Variants in SETD1A observed in about 807,000 individuals in gnomAD.
SETD1A encodes histone-lysine N-methyltransferase SETD1A.
Under a neutral mutation model 149.9 loss-of-function variants are expected in SETD1A, and 29 were observed. The observed-to-expected ratio is 0.19, with a 90% CI of 0.14 to 0.26. SETD1A has a LOEUF of 0.26. Ranked by LOEUF, SETD1A falls within the 10% of genes least tolerant of loss-of-function variation. The pLI is 1.00. For missense variants in SETD1A, 2,109 were observed against 2,353.1 expected, an observed-to-expected ratio of 0.90 and a Z score of 2.15; for synonymous variants, 1,141 against 968.5, an observed-to-expected ratio of 1.18 and a Z score of -3.31.
chr16:30,980,350 G>A lies in SETD1A; in HGVS notation c.4409-135G>A. On this transcript the variant is annotated intron_variant, in intron 14 of 18. Transcript: ENST00000262519. The surrounding 1 kb of genome is among the most constrained non-coding windows in gnomAD (Gnocchi z 7.7). The stretch of plus-strand genomic sequence containing the variant: ...CTTTTCTGCCTTCCAAAGCATTTCT[G>A]GCAGGAACGATGGGGCTGGGGCTTC... The A allele has an allele frequency of 6.9e-7, 1 of 1,449,762 alleles. No individual in the cohort carries two copies. The highest frequency in any genetic ancestry group is 1.4e-5 in the South Asian group (1 of 73,108). 89.8% of individuals were successfully genotyped at this position (1,449,762 alleles called of 1,614,324 possible). A position where few individuals can be genotyped will look rare whatever the true frequency, so the allele number is the denominator to read the frequency against.
chr16:30,963,282 C>T, intron 4 of SETD1A, 151 bp from the exon 5 acceptor site: 1 of 621,400 alleles, frequency 1.6e-6, no homozygotes, highest in Non-Finnish European at 2.7e-6. Context: ...TAGAAGGTCC[C>T]AAAGGTAGAG....
intron 13 of SETD1A, among the ~76,000 whole-genome samples, chr16:30,977,850 C>T (rs1433399282): frequency 6.6e-6 from 1 of 152,210 alleles, no homozygotes; most frequent in East Asian, 1.9e-4. Context: ...AGCGGGGAAG[C>T]CAGTTGTGAA....
intron 8 of SETD1A, 34 bp downstream of exon 8, chr16:30,966,420 G>A (rs945230177): frequency 1.3e-6 from 2 of 1,562,642 alleles, no homozygotes; most frequent in African/African-American, 2.7e-5. Flanking sequence ...GGAGCCCTGG[G>A]CTTTGCAGGA....
At position 30,984,443 on chromosome 16, in the gene SETD1A, G is replaced by GGGCTCTGCACCCCCAGTCCTGGGGA. The variant is rs1487287484; in HGVS notation, c.*421_*445dup. 2 of 170,002 alleles carry GGGCTCTGCACCCCCAGTCCTGGGGA rather than the reference G, an allele frequency of 1.2e-5. No homozygotes were observed. Among genetic ancestry groups the GGGCTCTGCACCCCCAGTCCTGGGGA allele is most frequent in the Non-Finnish European group, 2.6e-5 (2 of 78,068 alleles). The allele number at this position is 170,002 out of a possible 1,614,324, so 10.5% of individuals were successfully genotyped here. ...CAGTGGCCATGTTCTCCCCCTGGGGGGGCTCTGCACCCCCAGTCCTGGGGA... is the reference window on the plus strand; with the variant it reads ...CAGTGGCCATGTTCTCCCCCTGGGGGGGCTCTGCACCCCCAGTCCTGGGGAGGCTCTGCACCCCCAGTCCTGGGGA... On this transcript the variant is annotated 3_prime_UTR_variant, in exon 19 of 19. Transcript: ENST00000262519.
intron 13 of SETD1A, among the ~76,000 whole-genome samples, chr16:30,975,128 CAG>C (rs2056269164): frequency 6.7e-6 from 1 of 150,144 alleles, no homozygotes; most frequent in Admixed American, 6.7e-5. Context: ...AGCCTGGTGA[CAG>C]AGCGAGACTG....
chr16:30,977,570 G>A (rs897079736), intron 13 of SETD1A, among the ~76,000 whole-genome samples: 1 of 152,204 alleles, frequency 6.6e-6, no homozygotes, highest in Admixed American at 6.5e-5. Flanking sequence ...GAGGCTTCCC[G>A]AGGACATGCA....
intron 1 of SETD1A, among the ~76,000 whole-genome samples, 177 bp downstream of exon 1, chr16:30,958,141 G>A (rs1480081672): frequency 6.7e-6 from 1 of 149,140 alleles, no homozygotes; most frequent in African/African-American, 2.4e-5. Flanking sequence ...GGGGCCGCGC[G>A]GCGCGCGTGC....
rs761949926 is a variant in SETD1A at position 30,966,114 on chromosome 16, C to T, written c.2233C>T (p.Arg745Trp). ...GCAGGAGGGCAGAGGGGCATACTCA[C>T]GGGAGGCCTACCACCTGCCCATGCC... ...QGQEGRGAYS[R>W]EAYHLPMPMA... is the part of the protein sequence containing the mutation. Residue 745 changes from arginine to tryptophan, a missense_variant, in exon 8 of 19, where the codon CGG becomes TGG. By Grantham distance (101) the Arg-to-Trp change is moderately radical (BLOSUM62 -3). Coordinates refer to ENST00000262519, the MANE Select transcript of SETD1A (RefSeq NM_014712.3). 8.8e-6 allele frequency: 14 copies of T among 1,599,004 alleles called. No homozygotes were observed. The highest frequency in any genetic ancestry group is 1.1e-5 in the Non-Finnish European group (13 of 1,171,450).
intron 16 of SETD1A, 25 bp from the exon 17 acceptor site, chr16:30,981,036 G>C (rs775412310): frequency 6.2e-7 from 1 of 1,613,608 alleles, no homozygotes; most frequent in South Asian, 1.1e-5. Context: ...GTGTCTGGCA[G>C]TTGAGTCTCC....
At chr16:30,981,678 C>T (rs764111926) in intron 17 of SETD1A, among the ~76,000 whole-genome samples, 17 of 152,212 alleles carry the variant, frequency 1.1e-4, no homozygotes, top group South Asian at 2.1e-4. Context: ...TCCAGCCAAG[C>T]GCTGCTCCCT....
chr16:30,965,047 G>A lies in SETD1A; in HGVS notation c.1305G>A (p.Pro435=), dbSNP rs777674976. ...YRPPASEAPP[P]EPPEPGGGGG... ...CTCCTGCCTCAGAGGCTCCACCCCC[G>A]GAGCCTCCAGAACCTGGTGGAGGCG... The change falls in exon 7 of 19, where the codon CCG becomes CCA. Residue 435 remains proline (P), a synonymous_variant. Coordinates refer to ENST00000262519, the MANE Select transcript of SETD1A (RefSeq NM_014712.3). 30 of 1,612,144 alleles carry A rather than the reference G, an allele frequency of 1.9e-5. No homozygotes were observed. Among genetic ancestry groups the A allele is most frequent in the Non-Finnish European group, 1.4e-5 (17 of 1,179,696 alleles).
chr16:30,964,018 C>T, intron 5 of SETD1A, 76 bp from the exon 6 acceptor site: 1 of 1,161,272 alleles, frequency 8.6e-7, no homozygotes, highest in Non-Finnish European at 1.2e-6. Context: ...AACTAGGATT[C>T]CTGGTTTGGG....
At position 30,961,668 on chromosome 16, in the gene SETD1A, C is replaced by T. The variant is rs2056054068; in HGVS notation, c.517+131C>T. The T allele has an allele frequency of 2.5e-6, 2 of 814,354 alleles. No homozygotes were observed. The highest frequency in any genetic ancestry group is 3.3e-5 in the South Asian group (2 of 59,828). The allele number at this position is 814,354 out of a possible 1,614,324, so 50.4% of individuals were successfully genotyped here. A position where few individuals can be genotyped will look rare whatever the true frequency, so the allele number is the denominator to read the frequency against. On this transcript the variant is annotated intron_variant, in intron 4 of 18. Transcript: ENST00000262519. The surrounding 1 kb of genome is among the most constrained non-coding windows in gnomAD (Gnocchi z 4.0). ...CTGGGGCCAGTTGTGTTTCTGAAATCAGATCAGATTTTAGAGTGGAATTAT... is the reference window on the plus strand; with the variant it reads ...CTGGGGCCAGTTGTGTTTCTGAAATTAGATCAGATTTTAGAGTGGAATTAT...
At position 30,959,106 on chromosome 16, in the gene SETD1A, C is replaced by T; in HGVS notation, c.166C>T (p.Pro56Ser). Residue 56 changes from proline to serine, a missense_variant, in exon 3 of 19, where the codon CCA becomes TCA. Coordinates refer to ENST00000262519, the MANE Select transcript of SETD1A (RefSeq NM_014712.3). ...TCCTTCCTAGGACTCAAAGTATATA[C>T]CAGTCGAAGACCTCCAAGACCCCCG... ...HFSVNDSKYI[P>S]VEDLQDPRCH... 1.2e-6 allele frequency: 2 copies of T among 1,612,232 alleles called. No homozygotes were observed. The highest frequency in any genetic ancestry group is 1.7e-6 in the Non-Finnish European group (2 of 1,178,312).
At chr16:30,972,723 G>A (rs935204727) in intron 13 of SETD1A, among the ~76,000 whole-genome samples, 9 of 151,198 alleles carry the variant, frequency 6.0e-5, no homozygotes, top group Admixed American at 1.3e-4. Context: ...GCGTGGTGGC[G>A]CACACCTGTG....
In SETD1A at chr16:30,964,194, C is replaced by T. The variant is rs2056098996; in HGVS notation, c.740C>T (p.Thr247Ile). ...AACGGCACCCCCTGCTCCCAGGACA[C>T]AAGCTTCTCCAGCAGCCGACAAGAT... ...PGNGTPCSQDTSFSSSRQDTP... is the reference protein window; with the variant it reads ...PGNGTPCSQDISFSSSRQDTP... The change falls in exon 6 of 19, where the codon ACA becomes ATA. Residue 247 changes from threonine to isoleucine, a missense_variant. Thr to Ile is a moderately conservative substitution (Grantham distance 89). Transcript: ENST00000262519. 1 of 1,614,142 alleles carries T rather than the reference C, an allele frequency of 6.2e-7. No individual in the cohort carries two copies. The highest frequency in any genetic ancestry group is 8.5e-7 in the Non-Finnish European group (1 of 1,179,994).
At chr16:30,967,143 C>T in intron 9 of SETD1A, 83 bp downstream of exon 9, 16 of 1,053,524 alleles carry the variant, frequency 1.5e-5, no homozygotes, top group Non-Finnish European at 2.0e-5. Context: ...GGTCAGGAAC[C>T]ATGAGTGTTT....
At chr16:30,958,947 C>T in intron 2 of SETD1A, 66 bp downstream of exon 2, 1 of 1,586,014 alleles carries the variant, frequency 6.3e-7, no homozygotes, top group Non-Finnish European at 8.7e-7. Context: ...TGATTCTGTT[C>T]AGCACCTAGA....
intron 6 of SETD1A, 39 bp downstream of exon 6, chr16:30,964,362 T>G: frequency 6.6e-7 from 1 of 1,519,980 alleles, no homozygotes; most frequent in Non-Finnish European, 9.1e-7. Flanking sequence ...GCCCGCAAAG[T>G]CTGGGAGCTG....
Sources: gnomAD v4.1 joint callset for allele counts (sites outside exome capture counted in the v4.1 genomes callset) on GRCh38, gnomAD v4.1.1 for gene constraint, Gnocchi (gnomAD v3.1) non-coding constraint, MANE v1.5 for transcripts, NCBI Gene and HGNC (gene_info 2026-07-23, HGNC 2026-07-21) for gene names.